SV2B: variants seen among roughly 807,000 people sequenced by gnomAD.
The protein encoded by SV2B is solute carrier family 22 member B2.
Under a neutral mutation model 73.9 loss-of-function variants are expected in SV2B, and 41 were observed. That is an observed-to-expected ratio of 0.56 (90% confidence interval 0.43 to 0.72). SV2B has a LOEUF of 0.72. Among genes scored for constraint, SV2B ranks in the 30% least tolerant of loss-of-function variants. The probability of loss-of-function intolerance (pLI) is 0.00; values close to 1 mark genes in which losing one functional copy is unlikely to be tolerated. For synonymous variants in SV2B, 314 were observed against 314.2 expected, an observed-to-expected ratio of 1.00 and a Z score of 0.01; for missense variants, 764 against 857.8, an observed-to-expected ratio of 0.89 and a Z score of 1.37.
intron 1 of SV2B, among the ~76,000 whole-genome samples, chr15:91,219,202 G>A (rs1404890946): frequency 6.6e-6 from 1 of 152,088 alleles, no homozygotes; most frequent in Non-Finnish European, 1.5e-5. Context: ...ACCCAACTTG[G>A]CCTCCCAAAG....
At chr15:91,257,014 A>G (rs886718966) in intron 4 of SV2B, among the ~76,000 whole-genome samples, 1 of 152,196 alleles carries the variant, frequency 6.6e-6, no homozygotes, top group Non-Finnish European at 1.5e-5. Context: ...TTATAAATTG[A>G]TATATTTATT....
At chr15:91,262,065 C>T (rs190541620) in intron 6 of SV2B, among the ~76,000 whole-genome samples, 9 of 152,286 alleles carry the variant, frequency 5.9e-5, no homozygotes, top group South Asian at 2.1e-4. Context: ...TTGCTTCAAA[C>T]GTCTGCTTTT....
rs936671236 is a variant in SV2B, at chr15:91,265,036, A to T, written c.1009-1546A>T. Among the ~76,000 whole-genome samples the T allele has an allele frequency of 1.3e-5, 2 of 152,092 alleles. No homozygotes were observed. The highest frequency in any genetic ancestry group is 1.3e-4 in the Admixed American group (2 of 15,270). The stretch of plus-strand genomic sequence containing the variant: ...AAAAAGAAATGAAAAAAGAGAGACA[A>T]CCAGAAAGTGGTAACTGACCTTAGA... On this transcript the variant is annotated intron_variant, in intron 6 of 12. Coordinates refer to ENST00000394232, the MANE Select transcript of SV2B (RefSeq NM_001323032.3). This position sits in a 1 kb window ranked among gnomAD's most constrained non-coding sequence, Gnocchi z 4.2.
rs1032594962 is a variant in SV2B, at chr15:91,268,413, T to C, written c.1209-28T>C. Reference sequence around the variant, plus strand: ...CATGAAAGAATGAATCCTGTTGTTGTTGCAACCTTCTGCCTTCTCCACTCC... The same window carrying C: ...CATGAAAGAATGAATCCTGTTGTTGCTGCAACCTTCTGCCTTCTCCACTCC... On this transcript the variant is annotated intron_variant, in intron 8 of 12. Transcript: ENST00000394232. This position sits in a 1 kb window ranked among gnomAD's most constrained non-coding sequence, Gnocchi z 4.4. The C allele has an allele frequency of 1.1e-5, 18 of 1,597,846 alleles. No individual in the cohort carries two copies. The highest frequency in any genetic ancestry group is 1.4e-5 in the Non-Finnish European group (16 of 1,168,350).
intron 1 of SV2B, among the ~76,000 whole-genome samples, chr15:91,193,524 A>G (rs975676829): frequency 9.2e-5 from 14 of 152,230 alleles, no homozygotes; most frequent in African/African-American, 3.4e-4. Context: ...TTCACTTGCC[A>G]GACCTAATCG....
In SV2B at chr15:91,269,000, G is replaced by A. The variant is rs1391269082; in HGVS notation, c.1373+395G>A. On this transcript the variant is annotated intron_variant, in intron 9 of 12. Transcript: ENST00000394232. The surrounding 1 kb of genome is among the most constrained non-coding windows in gnomAD (Gnocchi z 4.4). ...TTGAGCTTTTACTTTGACCCTAGAAGCTTTTCCATGCCAGGACAAATAAAG... is the reference window on the plus strand; with the variant it reads ...TTGAGCTTTTACTTTGACCCTAGAAACTTTTCCATGCCAGGACAAATAAAG... Among the ~76,000 whole-genome samples, 1 of 152,068 alleles carries A rather than the reference G, an allele frequency of 6.6e-6. No individual in the cohort carries two copies. The highest frequency in any genetic ancestry group is 1.5e-5 in the Non-Finnish European group (1 of 68,006).
intron 10 of SV2B, among the ~76,000 whole-genome samples, chr15:91,282,986 C>A (rs796867055): frequency 3.3e-5 from 5 of 152,280 alleles, no homozygotes; most frequent in African/African-American, 1.2e-4. Flanking sequence ...AATACTCTTA[C>A]CATGGAGATT....
intron 6 of SV2B, among the ~76,000 whole-genome samples, chr15:91,263,798 T>A (rs1235966509): frequency 6.6e-6 from 1 of 152,170 alleles, no homozygotes; most frequent in Admixed American, 6.5e-5. Context: ...CATCGCAGAG[T>A]GCAGCCTTCT....
chr15:91,248,505 A>G (rs1035024859), intron 2 of SV2B, among the ~76,000 whole-genome samples: 1 of 152,252 alleles, frequency 6.6e-6, no homozygotes, highest in Non-Finnish European at 1.5e-5. Context: ...CTTGGAGATC[A>G]TCTCTAGTTC....
rs753908738 is a variant in SV2B at position 91,105,420 on chromosome 15, AACAG to A, written c.-392+5059_-392+5062del. 3.8e-4 allele frequency among the ~76,000 whole-genome samples: 58 copies of A among 152,214 alleles called. No individual in the cohort carries two copies. The highest frequency in any genetic ancestry group is 7.2e-4 in the Non-Finnish European group (49 of 68,030). ...AGAACAGGTGCAAAGGCCCCGAGGC[AACAG>A]ATAACTGGCATGTTCCAGGAACAGC... On this transcript the variant is annotated intron_variant, in intron 1 of 12. Coordinates refer to ENST00000394232, the MANE Select transcript of SV2B (RefSeq NM_001323032.3). The surrounding 1 kb of genome is among the most constrained non-coding windows in gnomAD (Gnocchi z 5.5).
intron 2 of SV2B, among the ~76,000 whole-genome samples, chr15:91,244,043 T>C (rs1244778048): frequency 1.3e-5 from 2 of 152,206 alleles, no homozygotes; most frequent in Non-Finnish European, 2.9e-5. Context: ...GGCTATGTCA[T>C]AATTTGGGGC....
chr15:91,170,358 G>C (rs2044080673), intron 1 of SV2B, among the ~76,000 whole-genome samples: 1 of 152,176 alleles, frequency 6.6e-6, no homozygotes, highest in Non-Finnish European at 1.5e-5. Flanking sequence ...CACAATCTCA[G>C]CTCACTGCAA....
chr15:91,267,679 G>A lies in SV2B; in HGVS notation c.1208+36G>A. ...TCTTACTTAAATTTCGTAATTCCCT[G>A]TGCCTCAGTGGCCTCCTTTACACAT... On this transcript the variant is annotated intron_variant, in intron 8 of 12. Transcript: ENST00000394232. The surrounding 1 kb of genome is among the most constrained non-coding windows in gnomAD (Gnocchi z 4.3). 5 of 1,503,746 alleles carry A rather than the reference G, an allele frequency of 3.3e-6. No individual in the cohort carries two copies. In the South Asian group the frequency reaches 5.8e-5, roughly 18 times the overall value. 93.2% of individuals were successfully genotyped at this position (1,503,746 alleles called of 1,614,324 possible). A position where few individuals can be genotyped will look rare whatever the true frequency, so the allele number is the denominator to read the frequency against.
rs553969190 is a variant in SV2B at position 91,224,070 on chromosome 15, G to T, written c.-391-1803G>T. ...ATGCATTGTATTGTCTGAGTCAGAT[G>T]GGTTTCAGTGCTGGAGTCTGTCCAG... On this transcript the variant is annotated intron_variant, in intron 1 of 12. Transcript: ENST00000394232. This position sits in a 1 kb window ranked among gnomAD's most constrained non-coding sequence, Gnocchi z 4.9. 3.3e-5 allele frequency among the ~76,000 whole-genome samples: 5 copies of T among 152,352 alleles called. No homozygotes were observed. The highest frequency in any genetic ancestry group is 1.2e-4 in the African/African-American group (5 of 41,578).
At chr15:91,165,166 A>G (rs7496913) in intron 1 of SV2B, among the ~76,000 whole-genome samples, 110,357 of 151,750 alleles carry the variant, frequency 0.73, 40,690 homozygotes, top group African/African-American at 0.83. Flanking sequence ...TTGAAACCCC[A>G]TCTCTACTAA....
At chr15:91,162,064 C>A (rs2043739006) in intron 1 of SV2B, among the ~76,000 whole-genome samples, 1 of 152,176 alleles carries the variant, frequency 6.6e-6, no homozygotes, top group South Asian at 2.1e-4. Flanking sequence ...CAATGAATTA[C>A]CTTTTTTTTG....
chr15:91,291,679 G>T (rs1311127057), intron 12 of SV2B, among the ~76,000 whole-genome samples: 1 of 152,164 alleles, frequency 6.6e-6, no homozygotes, highest in Non-Finnish European at 1.5e-5. Flanking sequence ...AGTGGGTGGT[G>T]CAGGCTCTTT....
intron 1 of SV2B, among the ~76,000 whole-genome samples, chr15:91,187,660 G>C (rs200830087): frequency 6.8e-6 from 1 of 146,486 alleles, no homozygotes; most frequent in Non-Finnish European, 1.5e-5. Context: ...TTTATGTTTT[G>C]TTTTTTTTTT....
At chr15:91,198,551 G>C (rs1340591651) in intron 1 of SV2B, among the ~76,000 whole-genome samples, 1 of 151,564 alleles carries the variant, frequency 6.6e-6, no homozygotes, top group Non-Finnish European at 1.5e-5. Context: ...TGTTAAAATG[G>C]AGTATTACGT....
Sources: allele counts gnomAD v4.1 joint callset (sites outside exome capture counted in the v4.1 genomes callset), GRCh38; gene constraint gnomAD v4.1.1; non-coding constraint Gnocchi (gnomAD v3.1); transcripts MANE v1.5; gene names NCBI Gene and HGNC (gene_info 2026-07-23, HGNC 2026-07-21).